Variants in UBE2K observed in about 807,000 individuals in gnomAD.
The protein encoded by UBE2K is ubiquitin conjugating enzyme E2 K, also known as ubiquitin-conjugating enzyme E2 K.
A neutral mutation model predicts 30.0 loss-of-function variants in UBE2K; 6 were observed. The observed-to-expected ratio is 0.20, with a 90% CI of 0.11 to 0.39. The LOEUF is 0.39. Ranked by LOEUF, UBE2K falls within the 10% of genes least tolerant of loss-of-function variation. UBE2K has a pLI of 1.00. For synonymous variants in UBE2K, 86 were observed against 83.7 expected, an observed-to-expected ratio of 1.03 and a Z score of -0.15; for missense variants, 61 against 241.6, an observed-to-expected ratio of 0.25 and a Z score of 4.96.
At chr4:39,758,666 A>G (rs934183544) in intron 4 of UBE2K, among the ~76,000 whole-genome samples, 2 of 151,948 alleles carry the variant, frequency 1.3e-5, no homozygotes, top group African/African-American at 4.8e-5. Flanking sequence ...CGACGGAGTG[A>G]GACCCCATCT....
Position 39,724,012 on chromosome 4 carries a change from C to T in UBE2K, c.64-13408C>T, listed in dbSNP as rs913474426. Among the ~76,000 whole-genome samples the T allele has an allele frequency of 4.6e-5, 7 of 152,008 alleles. 1 individual carries two copies. Among genetic ancestry groups the T allele is most frequent in the Admixed American group, 4.6e-4 (7 of 15,256 alleles). On this transcript the variant is annotated intron_variant, in intron 1 of 6. Coordinates refer to ENST00000261427, the MANE Select transcript of UBE2K (RefSeq NM_005339.5). ...GTATTTAGTAGAGATGGGATTTCAC[C>T]ATGTTGGTCAGGCTGGTCTCGAACT...
At position 39,781,192 on chromosome 4, in the gene UBE2K, T is replaced by C. The variant is rs576274712; in HGVS notation, c.*2758T>C. Reference sequence around the variant, plus strand: ...GAACTAGGTACTGAATTAGGTGCTCTGAGTTGGCACCCCGAAATGTTTGGA... The same window carrying C: ...GAACTAGGTACTGAATTAGGTGCTCCGAGTTGGCACCCCGAAATGTTTGGA... On this transcript the variant is annotated 3_prime_UTR_variant, in exon 7 of 7. Transcript: ENST00000261427. 6.6e-6 allele frequency: 1 copy of C among 152,282 alleles called. No individual in the cohort carries two copies. The highest frequency in any genetic ancestry group is 6.5e-5 in the Admixed American group (1 of 15,286). The allele number at this position is 152,282 out of a possible 1,614,324, so 9.4% of individuals were successfully genotyped here.
At chr4:39,770,609 C>T (rs1459081032) in intron 4 of UBE2K, 11 of 1,591,576 alleles carry the variant, frequency 6.9e-6, no homozygotes, top group Non-Finnish European at 9.4e-6. Context: ...GAGTCAACAG[C>T]AGGCTCTCCC....
chr4:39,714,874 G>T (rs1293356677), intron 1 of UBE2K, among the ~76,000 whole-genome samples: 4 of 150,754 alleles, frequency 2.7e-5, no homozygotes, highest in African/African-American at 7.3e-5. Flanking sequence ...TAAGAGACAG[G>T]TCTCACTCAC....
At position 39,779,045 on chromosome 4, in the gene UBE2K, C is replaced by CT. The variant is rs1553881434; in HGVS notation, c.*611_*612insT. On this transcript the variant is annotated 3_prime_UTR_variant, in exon 7 of 7. Transcript: ENST00000261427. ...GACAGTGTCTGATTCCCCCTTCACC[C>CT]CCCCCACCCCCGCCTTGCCACACAC... The CT allele has an allele frequency of 6.9e-6, 1 of 144,136 alleles. No individual in the cohort carries two copies. The highest frequency in any genetic ancestry group is 1.5e-5 in the Non-Finnish European group (1 of 66,094). 8.9% of individuals were successfully genotyped at this position (144,136 alleles called of 1,614,324 possible). A position where few individuals can be genotyped will look rare whatever the true frequency, so the allele number is the denominator to read the frequency against.
At chr4:39,728,571 C>G (rs183633098) in intron 1 of UBE2K, among the ~76,000 whole-genome samples, 14 of 151,922 alleles carry the variant, frequency 9.2e-5, no homozygotes, top group African/African-American at 3.4e-4. Context: ...TCTTTTTCTT[C>G]CTTTCTTCTT....
intron 1 of UBE2K, among the ~76,000 whole-genome samples, chr4:39,721,357 G>A (rs1253029438): frequency 5.9e-5 from 9 of 151,842 alleles, no homozygotes; most frequent in Admixed American, 3.9e-4. Flanking sequence ...ATAGGGAGCC[G>A]AAGAGAAGTT....
intron 4 of UBE2K, among the ~76,000 whole-genome samples, chr4:39,762,180 A>G (rs1390253471): frequency 3.3e-5 from 3 of 89,906 alleles, no homozygotes; most frequent in Non-Finnish European, 6.3e-5. Flanking sequence ...CTCCCATCTC[A>G]GTAAAATAAT....
intron 1 of UBE2K, among the ~76,000 whole-genome samples, chr4:39,727,326 C>T (rs1719809305): frequency 6.6e-6 from 1 of 152,134 alleles, no homozygotes; most frequent in Non-Finnish European, 1.5e-5. Context: ...GTAGCTTTGA[C>T]TGTTTTTCTT....
chr4:39,722,146 C>T (rs956768403), intron 1 of UBE2K, among the ~76,000 whole-genome samples: 2 of 152,158 alleles, frequency 1.3e-5, no homozygotes, highest in African/African-American at 2.4e-5. Flanking sequence ...GTCTTATCTA[C>T]GTAACGTTCA....
At chr4:39,746,322 G>A (rs1392632164) in intron 3 of UBE2K, among the ~76,000 whole-genome samples, 1 of 152,168 alleles carries the variant, frequency 6.6e-6, no homozygotes, top group African/African-American at 2.4e-5. Context: ...TTGAAAGGGA[G>A]TATGGAATAC....
At chr4:39,754,424 G>A (rs1217981574) in intron 3 of UBE2K, among the ~76,000 whole-genome samples, 7 of 152,312 alleles carry the variant, frequency 4.6e-5, no homozygotes, top group East Asian at 3.9e-4. Context: ...AGTAGAAATA[G>A]GTAGTGTAAA....
At chr4:39,707,318 TCTC>T (rs1407658480) in intron 1 of UBE2K, among the ~76,000 whole-genome samples, 1 of 151,888 alleles carries the variant, frequency 6.6e-6, no homozygotes, top group Non-Finnish European at 1.5e-5. Flanking sequence ...GTCAGGCAGT[TCTC>T]CTGCTTGACC....
intron 3 of UBE2K, among the ~76,000 whole-genome samples, chr4:39,747,998 C>T (rs1471319198): frequency 6.6e-6 from 1 of 151,958 alleles, no homozygotes; most frequent in Non-Finnish European, 1.5e-5. Context: ...GATGGCATTT[C>T]ACCATGTTGG....
chr4:39,761,818 C>G (rs913792236), intron 4 of UBE2K, among the ~76,000 whole-genome samples: 11 of 151,990 alleles, frequency 7.2e-5, no homozygotes, highest in Non-Finnish European at 1.6e-4. Flanking sequence ...CAAAATTGCA[C>G]ACATTTCTTT....
At chr4:39,771,826 A>G (rs1355426014) in intron 4 of UBE2K, among the ~76,000 whole-genome samples, 2 of 152,128 alleles carry the variant, frequency 1.3e-5, no homozygotes, top group East Asian at 1.9e-4. Flanking sequence ...GTTGTTGGCA[A>G]TAACTTAACT....
intron 1 of UBE2K, among the ~76,000 whole-genome samples, chr4:39,701,792 G>A (rs1165312439): frequency 6.7e-6 from 1 of 148,450 alleles, no homozygotes; most frequent in Non-Finnish European, 1.5e-5. Context: ...AAGGAATCTC[G>A]CTGTCTCGCC....
intron 1 of UBE2K, among the ~76,000 whole-genome samples, chr4:39,734,174 C>T (rs184041704): frequency 4.1e-4 from 60 of 146,948 alleles, no homozygotes; most frequent in African/African-American, 1.5e-3. Context: ...GGCGAAATCT[C>T]GGCTCACTCC....
rs1560379760 is a variant in UBE2K, at chr4:39,771,254, A to AC, written c.300-3579dup. ...AGCTCCGAGCTGGGGTTAAGCAGGAACTGGTCCCGCAGGAACGGTGAGCAG... is the reference window on the plus strand; with the variant it reads ...AGCTCCGAGCTGGGGTTAAGCAGGAACCTGGTCCCGCAGGAACGGTGAGCAG... On this transcript the variant is annotated intron_variant, in intron 4 of 6. Coordinates refer to ENST00000261427, the MANE Select transcript of UBE2K (RefSeq NM_005339.5). 56 of 1,611,832 alleles carry AC rather than the reference A, an allele frequency of 3.5e-5. 1 individual carries two copies. The highest frequency in any genetic ancestry group is 3.1e-4 in the South Asian group (28 of 90,930).
Sources: gnomAD v4.1 joint callset for allele counts (sites outside exome capture counted in the v4.1 genomes callset) on GRCh38, gnomAD v4.1.1 for gene constraint, MANE v1.5 for transcripts, NCBI Gene and HGNC (gene_info 2026-07-23, HGNC 2026-07-21) for gene names.